The following THSD7A variants were observed in gnomAD, a reference collection of about 807,000 sequenced individuals.
THSD7A encodes the protein thrombospondin type-1 domain-containing protein 7A.
In THSD7A, 96 loss-of-function variants were observed where a neutral mutation model predicts 231.3. The observed-to-expected ratio is 0.41, with a 90% CI of 0.35 to 0.49. The LOEUF is 0.49. Ranked by LOEUF, THSD7A falls within the 20% of genes least tolerant of loss-of-function variation. The pLI is 0.05. For missense variants in THSD7A, 2,290 were observed against 2,070.2 expected, an observed-to-expected ratio of 1.11 and a Z score of -2.06; for synonymous variants, 940 against 743.3, an observed-to-expected ratio of 1.26 and a Z score of -4.30.
chr7:11,470,620 G>A (rs1785898734), intron 8 of THSD7A, among the ~76,000 whole-genome samples: 3 of 151,388 alleles, frequency 2.0e-5, no homozygotes, highest in African/African-American at 7.3e-5. Context: ...ATCTATTTGT[G>A]TTTTCTTTTC....
In THSD7A at chr7:11,637,195, T is replaced by C. The variant is rs75857514; in HGVS notation, c.191-234A>G. Among the ~76,000 whole-genome samples, 2,840 of 152,300 alleles carry C rather than the reference T, an allele frequency of 0.019. 80 individuals carry two copies. The highest frequency in any genetic ancestry group is 0.065 in the African/African-American group (2,706 of 41,552). On this transcript the variant is annotated intron_variant, in intron 1 of 27. Coordinates refer to ENST00000423059, the MANE Select transcript of THSD7A (RefSeq NM_015204.3). This position sits in a 1 kb window ranked among gnomAD's most constrained non-coding sequence, Gnocchi z 4.2. ...ACTTCTGGGACAATTTCACTTTGGG[T>C]CCTTTAGGGATTACGAAAAGTTTGG...
At position 11,607,486 on chromosome 7, in the gene THSD7A, G is replaced by C. The variant is rs570009171; in HGVS notation, c.1023-13984C>G. Reference sequence around the variant, plus strand: ...TCAATAAAATTGTTCAACATTTTAAGTTTTTATAACTTAACCTCAGTTCTG... The same window carrying C: ...TCAATAAAATTGTTCAACATTTTAACTTTTTATAACTTAACCTCAGTTCTG... On this transcript the variant is annotated intron_variant, in intron 2 of 27. Transcript: ENST00000423059. Among the ~76,000 whole-genome samples the C allele has an allele frequency of 1.3e-3, 202 of 151,796 alleles. 1 individual carries two copies. Among genetic ancestry groups the C allele is most frequent in the African/African-American group, 4.7e-3 (193 of 41,406 alleles).
At chr7:11,821,755 T>G (rs1784882532) in intron 1 of THSD7A, among the ~76,000 whole-genome samples, 1 of 152,172 alleles carries the variant, frequency 6.6e-6, no homozygotes, top group Non-Finnish European at 1.5e-5. Context: ...CATTTGAAAA[T>G]TATTGTTCAT....
At chr7:11,565,930 A>C (rs898574537) in intron 4 of THSD7A, among the ~76,000 whole-genome samples, 19 of 152,150 alleles carry the variant, frequency 1.2e-4, no homozygotes, top group African/African-American at 4.3e-4. Flanking sequence ...TGGGTTTGAC[A>C]TTTAAAAAAT....
At chr7:11,741,484 A>C (rs941227045) in intron 1 of THSD7A, among the ~76,000 whole-genome samples, 2 of 151,910 alleles carry the variant, frequency 1.3e-5, no homozygotes. Flanking sequence ...TATGCACTGA[A>C]AAAATAAGTG....
Position 11,474,649 on chromosome 7 carries a change from G to T in THSD7A, c.2018-81C>A. ...ATACTCTGTTCTTTGGAATTAACATGGCTTAGAAATAAAAAGTGACTTTTC... is the reference window on the plus strand; with the variant it reads ...ATACTCTGTTCTTTGGAATTAACATTGCTTAGAAATAAAAAGTGACTTTTC... On this transcript the variant is annotated intron_variant, in intron 7 of 27. Coordinates refer to ENST00000423059, the MANE Select transcript of THSD7A (RefSeq NM_015204.3). This position sits in a 1 kb window ranked among gnomAD's most constrained non-coding sequence, Gnocchi z 4.1. 8.7e-7 allele frequency: 1 copy of T among 1,145,800 alleles called. No homozygotes were observed. Among genetic ancestry groups the T allele is most frequent in the Non-Finnish European group, 1.2e-6 (1 of 819,974 alleles). 71.0% of individuals were successfully genotyped at this position (1,145,800 alleles called of 1,614,324 possible).
chr7:11,695,457 A>G (rs1420285296), intron 1 of THSD7A, among the ~76,000 whole-genome samples: 1 of 151,532 alleles, frequency 6.6e-6, no homozygotes, highest in African/African-American at 2.4e-5. Context: ...AAGAAAAACA[A>G]GCAAATATTG....
intron 4 of THSD7A, among the ~76,000 whole-genome samples, chr7:11,582,315 T>C (rs967371629): frequency 1.2e-4 from 18 of 151,890 alleles, no homozygotes; most frequent in African/African-American, 4.1e-4. Flanking sequence ...ATATGTATTA[T>C]TACTTAATAA....
At chr7:11,823,147 G>A (rs188193017) in intron 1 of THSD7A, among the ~76,000 whole-genome samples, 245 of 152,066 alleles carry the variant, frequency 1.6e-3, no homozygotes, top group African/African-American at 5.6e-3. Context: ...AGAGATAGGG[G>A]TCTAGTTTCA....
At chr7:11,623,024 A>AT (rs1225472982) in intron 2 of THSD7A, among the ~76,000 whole-genome samples, 2 of 152,172 alleles carry the variant, frequency 1.3e-5, no homozygotes, top group African/African-American at 4.8e-5. Context: ...GTAATTCATG[A>AT]TTTTGTAACC....
intron 24 of THSD7A, among the ~76,000 whole-genome samples, chr7:11,382,050 AT>A (rs1782537516): frequency 6.6e-6 from 1 of 152,144 alleles, no homozygotes; most frequent in Non-Finnish European, 1.5e-5. Context: ...CTATTAATTA[AT>A]TTAAAAATCT....
chr7:11,712,234 C>T (rs1780991642), intron 1 of THSD7A, among the ~76,000 whole-genome samples: 1 of 151,052 alleles, frequency 6.6e-6, no homozygotes. Context: ...TGACTATACC[C>T]TACTTTTCTG....
chr7:11,413,433 T>C lies in THSD7A; in HGVS notation c.3538-633A>G, dbSNP rs1382215862. Reference sequence around the variant, plus strand: ...TAAGGGTTATACAGAAACAAGCCCTTTGGAAAAACTCACTCTGCACCTGAT... The same window carrying C: ...TAAGGGTTATACAGAAACAAGCCCTCTGGAAAAACTCACTCTGCACCTGAT... On this transcript the variant is annotated intron_variant, in intron 17 of 27. Coordinates refer to ENST00000423059, the MANE Select transcript of THSD7A (RefSeq NM_015204.3). Among the ~76,000 whole-genome samples the C allele has an allele frequency of 2.0e-5, 3 of 151,654 alleles. No individual in the cohort carries two copies. In the East Asian group the frequency reaches 5.8e-4, roughly 29 times the overall value.
At chr7:11,553,247 T>A (rs531157311) in intron 4 of THSD7A, among the ~76,000 whole-genome samples, 102 of 152,216 alleles carry the variant, frequency 6.7e-4, no homozygotes, top group Middle Eastern at 3.4e-3. Context: ...CTTTTTTTCA[T>A]TAATCAAGGA....
At chr7:11,539,262 A>G (rs1789042400) in intron 6 of THSD7A, among the ~76,000 whole-genome samples, 2 of 152,178 alleles carry the variant, frequency 1.3e-5, no homozygotes, top group Non-Finnish European at 2.9e-5. Flanking sequence ...CAGTTTATAT[A>G]CAAATTTGAG....
At chr7:11,808,333 T>C (rs988648505) in intron 1 of THSD7A, among the ~76,000 whole-genome samples, 2 of 152,154 alleles carry the variant, frequency 1.3e-5, no homozygotes. Flanking sequence ...GTCTGCTCTT[T>C]CTTGTCCTTT....
At chr7:11,639,092 C>T (rs1430842473) in intron 1 of THSD7A, among the ~76,000 whole-genome samples, 1 of 152,090 alleles carries the variant, frequency 6.6e-6, no homozygotes, top group African/African-American at 2.4e-5. Flanking sequence ...ATATCAGACT[C>T]TCAAATTAAG....
intron 19 of THSD7A, among the ~76,000 whole-genome samples, chr7:11,408,275 G>C (rs1472902137): frequency 6.6e-6 from 1 of 152,098 alleles, no homozygotes; most frequent in Non-Finnish European, 1.5e-5. Flanking sequence ...TTGGGAGACC[G>C]AGGTGGGCGG....
chr7:11,426,502 GA>G (rs1784325497), intron 15 of THSD7A, among the ~76,000 whole-genome samples, 163 bp downstream of exon 15: 1 of 151,960 alleles, frequency 6.6e-6, no homozygotes, highest in Non-Finnish European at 1.5e-5. Context: ...TGATAGAAAA[GA>G]AAAATAAAAC....
Sources: gnomAD v4.1 joint callset for allele counts (sites outside exome capture counted in the v4.1 genomes callset) on GRCh38, gnomAD v4.1.1 for gene constraint, Gnocchi (gnomAD v3.1) non-coding constraint, MANE v1.5 for transcripts, NCBI Gene and HGNC (gene_info 2026-07-23, HGNC 2026-07-21) for gene names.